Variants in CDC42BPB observed in about 807,000 individuals in gnomAD.
CDC42BPB encodes the protein serine/threonine-protein kinase MRCK beta.
Under a neutral mutation model 214.9 loss-of-function variants are expected in CDC42BPB, and 37 were observed. That is an observed-to-expected ratio of 0.17 (90% CI 0.13 to 0.23). The LOEUF is 0.23. Ranked by LOEUF, CDC42BPB falls within the 10% of genes least tolerant of loss-of-function variation. CDC42BPB has a pLI of 1.00. For synonymous variants in CDC42BPB, 931 were observed against 884.0 expected (o/e 1.05, Z -0.94); for missense variants, 1,694 against 2,227.0 (o/e 0.76, Z 4.82).
chr14:103,005,496 C>T (rs1261108880), intron 3 of CDC42BPB, among the ~76,000 whole-genome samples: 1 of 150,964 alleles, frequency 6.6e-6, no homozygotes, highest in Non-Finnish European at 1.5e-5. Flanking sequence ...TCACTTGAGC[C>T]TAGGAGTTTG....
chr14:102,943,498 C>A lies in CDC42BPB; in HGVS notation c.4408+393G>T, dbSNP rs1172174474. Reference sequence around the variant, plus strand: ...GTGAATTATTTTCTGGCCACCAAAACCCCTCAAGCTTGTCTTTACTACTGT... The same window carrying A: ...GTGAATTATTTTCTGGCCACCAAAAACCCTCAAGCTTGTCTTTACTACTGT... On this transcript the variant is annotated intron_variant, in intron 30 of 36. Coordinates refer to ENST00000361246, the MANE Select transcript of CDC42BPB (RefSeq NM_006035.4). This position sits in a 1 kb window ranked among gnomAD's most constrained non-coding sequence, Gnocchi z 4.6. Among the ~76,000 whole-genome samples, 2 of 152,178 alleles carry A rather than the reference C, an allele frequency of 1.3e-5. No homozygotes were observed. Among genetic ancestry groups the A allele is most frequent in the Admixed American group, 6.5e-5 (1 of 15,270 alleles).
At chr14:103,002,121 C>A (rs1427022807) in intron 4 of CDC42BPB, among the ~76,000 whole-genome samples, 1 of 152,164 alleles carries the variant, frequency 6.6e-6, no homozygotes, top group Non-Finnish European at 1.5e-5. Context: ...GTCAGAGGAA[C>A]CCACGTTTCC....
intron 5 of CDC42BPB, among the ~76,000 whole-genome samples, chr14:102,997,334 G>T (rs888496799): frequency 6.6e-6 from 1 of 152,112 alleles, no homozygotes; most frequent in Non-Finnish European, 1.5e-5. Context: ...AGACACACAT[G>T]GAATAAAGGC....
rs540998938 is a variant in CDC42BPB, at chr14:102,943,547, G to A, written c.4408+344C>T. On this transcript the variant is annotated intron_variant, in intron 30 of 36. Transcript: ENST00000361246. The surrounding 1 kb of genome is among the most constrained non-coding windows in gnomAD (Gnocchi z 4.6). ...GTGTAAGTTTCTGTATTATCACGAG[G>A]AAGGCCTTTTAAATGAGAGATGAAT... Among the ~76,000 whole-genome samples the A allele has an allele frequency of 3.3e-5, 5 of 152,048 alleles. No homozygotes were observed. Among genetic ancestry groups the A allele is most frequent in the Admixed American group, 2.6e-4 (4 of 15,270 alleles).
intron 2 of CDC42BPB, among the ~76,000 whole-genome samples, chr14:103,011,290 C>A (rs1245790479): frequency 6.6e-6 from 1 of 152,246 alleles, no homozygotes; most frequent in East Asian, 1.9e-4. Flanking sequence ...CCCTCCTCCC[C>A]TAGGCAAAGC....
intron 9 of CDC42BPB, among the ~76,000 whole-genome samples, chr14:102,977,688 G>T (rs1893818117): frequency 1.3e-5 from 2 of 152,192 alleles, no homozygotes; most frequent in African/African-American, 4.8e-5. Context: ...CCACCGACTG[G>T]ATCAGAGCTA....
At chr14:102,938,262 C>A (rs932083210) in intron 35 of CDC42BPB, 44 bp downstream of exon 35, 4 of 1,598,476 alleles carry the variant, frequency 2.5e-6, no homozygotes, top group Non-Finnish European at 2.6e-6. Flanking sequence ...CACCCCCTAC[C>A]CCCCACCTCC....
intron 29 of CDC42BPB, chr14:102,945,038 C>T: frequency 3.2e-6 from 1 of 314,230 alleles, no homozygotes; most frequent in Non-Finnish European, 6.4e-6. Context: ...CCAGGCTAAC[C>T]CAAGCCCCTC....
chr14:103,006,175 A>T (rs533762345), intron 3 of CDC42BPB, among the ~76,000 whole-genome samples: 20 of 152,286 alleles, frequency 1.3e-4, no homozygotes, highest in Admixed American at 3.3e-4. Context: ...CACCTCAGCC[A>T]CAAGGGCCTG....
intron 1 of CDC42BPB, among the ~76,000 whole-genome samples, chr14:103,054,823 A>T (rs1595204094): frequency 6.6e-6 from 1 of 152,380 alleles, no homozygotes; most frequent in Admixed American, 6.5e-5. Context: ...GTTACAGCAC[A>T]GTTCCCGTTT....
intron 1 of CDC42BPB, among the ~76,000 whole-genome samples, chr14:103,022,601 G>A (rs920344952): frequency 1.3e-5 from 2 of 152,144 alleles, no homozygotes; most frequent in Non-Finnish European, 2.9e-5. Flanking sequence ...TGGCATAGAC[G>A]GAAAGCTGGC....
At chr14:102,981,643 G>A (rs1412369420) in intron 7 of CDC42BPB, among the ~76,000 whole-genome samples, 1 of 152,126 alleles carries the variant, frequency 6.6e-6, no homozygotes, top group Non-Finnish European at 1.5e-5. Flanking sequence ...TACCGGGCGT[G>A]GTGGCGGCCT....
At chr14:102,987,433 C>T (rs1478765151) in intron 5 of CDC42BPB, among the ~76,000 whole-genome samples, 2 of 152,166 alleles carry the variant, frequency 1.3e-5, no homozygotes, top group African/African-American at 2.4e-5. Context: ...CAGCAAAAGA[C>T]AAGTACAAGC....
chr14:103,015,982 C>T (rs559277601), intron 1 of CDC42BPB, among the ~76,000 whole-genome samples: 2 of 152,194 alleles, frequency 1.3e-5, no homozygotes, highest in East Asian at 1.9e-4. Context: ...TCCCAAAGTG[C>T]TGGGATTACA....
chr14:102,945,705 G>A lies in CDC42BPB; in HGVS notation c.3768C>T (p.Val1256=), dbSNP rs1237418832. 13 of 1,612,728 alleles carry A rather than the reference G, an allele frequency of 8.1e-6. No individual in the cohort carries two copies. Among genetic ancestry groups the A allele is most frequent in the African/African-American group, 2.7e-5 (2 of 74,936 alleles). The change falls in exon 29 of 37, where the codon GTC becomes GTT. Residue 1256 remains valine (V), a synonymous_variant. Coordinates refer to ENST00000361246, the MANE Select transcript of CDC42BPB (RefSeq NM_006035.4). ...TGACATAGAGCCCTTCTTCTAGGCC[G>A]ACTGCAATCCTGTCTGCATCTGTGG... ...AAIVDADRIA[V]GLEEGLYVIE...
intron 21 of CDC42BPB, among the ~76,000 whole-genome samples, chr14:102,957,198 CAAAAAAAAAAAA>C (rs1169886657): frequency 3.0e-5 from 1 of 33,412 alleles, no homozygotes. Flanking sequence ...AAGACTGTCT[CAAAAAAAAAAAA>C]AAAAAAAAAA....
chr14:102,984,056 A>G, intron 6 of CDC42BPB: 1 of 168,406 alleles, frequency 5.9e-6, no homozygotes, highest in Non-Finnish European at 1.2e-5. Flanking sequence ...TAAAAACCTC[A>G]ATAATGCAAA....
At chr14:102,977,156 T>C (rs1205260747) in intron 9 of CDC42BPB, among the ~76,000 whole-genome samples, 1 of 151,872 alleles carries the variant, frequency 6.6e-6, no homozygotes, top group Admixed American at 6.6e-5. Flanking sequence ...CTGGCCAATA[T>C]GGTGAAACCC....
intron 18 of CDC42BPB, among the ~76,000 whole-genome samples, chr14:102,965,846 C>T (rs1251093754): frequency 1.3e-5 from 2 of 152,136 alleles, no homozygotes; most frequent in Non-Finnish European, 2.9e-5. Flanking sequence ...ATCCCAGCTA[C>T]TCGGGGGGGC....
Sources: gnomAD v4.1 joint callset for allele counts (sites outside exome capture counted in the v4.1 genomes callset) on GRCh38, gnomAD v4.1.1 for gene constraint, Gnocchi (gnomAD v3.1) non-coding constraint, MANE v1.5 for transcripts, NCBI Gene and HGNC (gene_info 2026-07-23, HGNC 2026-07-21) for gene names.